GRIK1: variants seen among roughly 807,000 people sequenced by gnomAD.
GRIK1 encodes glutamate receptor ionotropic, kainate 1.
In GRIK1, 69 loss-of-function variants were observed where a neutral mutation model predicts 105.7. The ratio of observed to expected loss-of-function variants is 0.65; its 90% CI spans 0.54 to 0.80. The LOEUF (loss-of-function observed/expected upper bound fraction) is 0.80. Among genes scored for constraint, GRIK1 ranks in the 30% least tolerant of loss-of-function variants. GRIK1 has a pLI of 0.00. For missense variants in GRIK1, 1,109 were observed against 1,167.3 expected (o/e 0.95, Z 0.73); for synonymous variants, 438 against 431.3 (o/e 1.02, Z -0.19).
intron 1 of GRIK1, among the ~76,000 whole-genome samples, chr21:29,695,468 CTATCT>C (rs959316832): frequency 1.4e-5 from 2 of 144,640 alleles, no homozygotes; most frequent in African/African-American, 5.1e-5. Flanking sequence ...ATCTATCTAT[CTATCT>C]ATCTATATAT....
At chr21:29,895,030 A>C (rs1329996108) in intron 1 of GRIK1, among the ~76,000 whole-genome samples, 1 of 152,212 alleles carries the variant, frequency 6.6e-6, no homozygotes, top group Non-Finnish European at 1.5e-5. Flanking sequence ...TTTCCTCCTT[A>C]ATCCATGAGA....
chr21:29,537,947 T>C (rs2089908971), intron 16 of GRIK1, 63 bp from the exon 17 acceptor site: 1 of 779,308 alleles, frequency 1.3e-6, no homozygotes, highest in South Asian at 1.6e-5. Context: ...AAAACAGAGA[T>C]TCTGGCAGCA....
chr21:29,694,841 C>T (rs2063663638), intron 1 of GRIK1, among the ~76,000 whole-genome samples: 1 of 152,162 alleles, frequency 6.6e-6, no homozygotes, highest in Non-Finnish European at 1.5e-5. Context: ...ATGACACATA[C>T]ATACTGTTAG....
At chr21:29,881,642 G>A (rs1405631261) in intron 1 of GRIK1, among the ~76,000 whole-genome samples, 2 of 152,078 alleles carry the variant, frequency 1.3e-5, no homozygotes, top group Non-Finnish European at 2.9e-5. Flanking sequence ...GTAGAAGGTT[G>A]ACTGGTTAAT....
chr21:29,623,148 C>A (rs1001958609), intron 7 of GRIK1, among the ~76,000 whole-genome samples: 33 of 152,112 alleles, frequency 2.2e-4, no homozygotes, highest in Non-Finnish European at 2.9e-5. Context: ...GGAAGCCTCA[C>A]AATCATGGCA....
At chr21:29,901,991 C>T (rs1365711641) in intron 1 of GRIK1, among the ~76,000 whole-genome samples, 2 of 152,192 alleles carry the variant, frequency 1.3e-5, no homozygotes, top group African/African-American at 4.8e-5. Flanking sequence ...GCTGGTTCAA[C>T]ATACACAAAT....
intron 1 of GRIK1, among the ~76,000 whole-genome samples, chr21:29,862,530 G>T (rs2068678558): frequency 6.6e-6 from 1 of 151,986 alleles, no homozygotes; most frequent in Non-Finnish European, 1.5e-5. Context: ...CAAAATCCAG[G>T]GTATCTACAG....
At chr21:29,563,064 T>C (rs547611545) in intron 14 of GRIK1, among the ~76,000 whole-genome samples, 4 of 152,282 alleles carry the variant, frequency 2.6e-5, no homozygotes, top group African/African-American at 9.6e-5. Context: ...ATTTCAGAGA[T>C]GAAAAACATT....
intron 1 of GRIK1, among the ~76,000 whole-genome samples, chr21:29,789,507 C>A (rs1306043962): frequency 6.6e-6 from 1 of 152,178 alleles, no homozygotes; most frequent in Non-Finnish European, 1.5e-5. Context: ...TCTCCCCACT[C>A]CCCCATACCT....
intron 1 of GRIK1, among the ~76,000 whole-genome samples, chr21:29,774,068 T>TATA (rs1569077080): frequency 6.6e-6 from 1 of 152,228 alleles, no homozygotes; most frequent in East Asian, 1.9e-4. Flanking sequence ...ATATCCTGAA[T>TATA]ATAAGCTCTA....
intron 7 of GRIK1, among the ~76,000 whole-genome samples, chr21:29,638,381 T>G (rs996721322): frequency 4.6e-5 from 7 of 152,128 alleles, no homozygotes; most frequent in African/African-American, 1.7e-4. Flanking sequence ...AACGCCCCCA[T>G]GATCCAATCA....
chr21:29,869,326 A>T (rs544495619), intron 1 of GRIK1, among the ~76,000 whole-genome samples: 1 of 152,346 alleles, frequency 6.6e-6, no homozygotes, highest in South Asian at 2.1e-4. Context: ...AATACATACC[A>T]GGTTAAGCCT....
intron 12 of GRIK1, chr21:29,582,297 T>C (rs1013201599): frequency 6.4e-6 from 3 of 467,384 alleles, no homozygotes; most frequent in Middle Eastern, 6.6e-4. Context: ...TGATTTGTTT[T>C]AAATTTGTTT....
chr21:29,750,274 T>A (rs2065157372), intron 1 of GRIK1, among the ~76,000 whole-genome samples: 1 of 132,416 alleles, frequency 7.6e-6, no homozygotes, highest in African/African-American at 2.7e-5. Flanking sequence ...CATTCCTTTA[T>A]TCCTTCCTTC....
At chr21:29,712,603 A>T (rs1353898237) in intron 1 of GRIK1, among the ~76,000 whole-genome samples, 4 of 152,168 alleles carry the variant, frequency 2.6e-5, no homozygotes, top group African/African-American at 9.7e-5. Flanking sequence ...ATTTAAATTC[A>T]TATTACATTG....
intron 1 of GRIK1, among the ~76,000 whole-genome samples, chr21:29,859,908 C>T (rs1291592087): frequency 6.6e-6 from 1 of 152,154 alleles, no homozygotes; most frequent in Non-Finnish European, 1.5e-5. Flanking sequence ...TGATACGTAA[C>T]TCATGGTTTA....
At chr21:29,583,740 G>A (rs970847004) in intron 12 of GRIK1, among the ~76,000 whole-genome samples, 13 of 152,180 alleles carry the variant, frequency 8.5e-5, no homozygotes, top group Non-Finnish European at 2.9e-5. Context: ...ATGTGGTCTG[G>A]TGAATATTAA....
chr21:29,701,494 G>C (rs192443173), intron 1 of GRIK1, among the ~76,000 whole-genome samples: 1 of 152,322 alleles, frequency 6.6e-6, no homozygotes, highest in East Asian at 1.9e-4. Flanking sequence ...TAGAAGACGA[G>C]CTCAGAGAAG....
intron 4 of GRIK1, among the ~76,000 whole-genome samples, chr21:29,669,735 C>CT (rs1023550465): frequency 1.3e-5 from 2 of 152,094 alleles, no homozygotes; most frequent in African/African-American, 4.8e-5. Flanking sequence ...TGCCACACAC[C>CT]TTTGTTGGCA....
Sources: gnomAD v4.1 joint callset for allele counts (sites outside exome capture counted in the v4.1 genomes callset) on GRCh38, gnomAD v4.1.1 for gene constraint, MANE v1.5 for transcripts, NCBI Gene and HGNC (gene_info 2026-07-23, HGNC 2026-07-21) for gene names.